YLPM1: variants seen among roughly 807,000 people sequenced by gnomAD.
YLPM1 encodes YLP motif containing 1, also known as YLP motif-containing protein 1.
Under a neutral mutation model 230.0 loss-of-function variants are expected in YLPM1, and 99 were observed. The observed-to-expected ratio is 0.43, with a 90% CI of 0.37 to 0.51. The LOEUF is 0.51. YLPM1 is among the 20% of genes least tolerant of loss of function. The pLI, the probability that YLPM1 is intolerant of heterozygous loss-of-function variation, is 0.00. For missense variants in YLPM1, 2,592 were observed against 2,707.7 expected (o/e 0.96, Z 0.95); for synonymous variants, 984 against 942.5 (o/e 1.04, Z -0.81).
chr14:74,816,647 A>G lies in YLPM1; in HGVS notation c.5642A>G (p.Lys1881Arg), dbSNP rs1276624418. 6.2e-7 allele frequency: 1 copy of G among 1,613,696 alleles called. No homozygotes were observed. Among genetic ancestry groups the G allele is most frequent in the South Asian group, 1.1e-5 (1 of 90,996 alleles). The part of the protein sequence containing the change: ...LDDYFITEVE[K>R]EEKDPDSGKK... ...GATTACTTCATCACTGAAGTGGAAA[A>G]AGAAGAAAAAGATCCAGATTCTGGA... Residue 1881 changes from lysine (K) to arginine (R), a missense_variant, in exon 13 of 21, where the codon AAA (lysine) becomes AGA (arginine). Coordinates refer to ENST00000325680, the MANE Select transcript of YLPM1 (RefSeq NM_019589.3).
At chr14:74,808,367 T>C (rs894623719) in intron 6 of YLPM1, among the ~76,000 whole-genome samples, 1 of 152,248 alleles carries the variant, frequency 6.6e-6, no homozygotes, top group Non-Finnish European at 1.5e-5. Flanking sequence ...TACCACATTT[T>C]GTTTAACCAT....
At chr14:74,817,146 A>T in intron 14 of YLPM1, 39 bp downstream of exon 14, 1 of 1,596,692 alleles carries the variant, frequency 6.3e-7, no homozygotes, top group East Asian at 2.2e-5. Flanking sequence ...TTGTGTTGTC[A>T]TGTAAATGTT....
chr14:74,811,972 A>G (rs1050458883), intron 10 of YLPM1, among the ~76,000 whole-genome samples: 6 of 152,230 alleles, frequency 3.9e-5, no homozygotes, highest in Admixed American at 6.5e-5. Context: ...TACTACAGCT[A>G]TTATAATTTT....
chr14:74,808,479 C>A (rs2140122895), intron 6 of YLPM1, among the ~76,000 whole-genome samples: 1 of 152,068 alleles, frequency 6.6e-6, no homozygotes, highest in Non-Finnish European at 1.5e-5. Flanking sequence ...TGGATAGATA[C>A]CGAGAAATGA....
At chr14:74,824,941 A>G (rs1174583100) in intron 18 of YLPM1, among the ~76,000 whole-genome samples, 2 of 152,128 alleles carry the variant, frequency 1.3e-5, no homozygotes, top group African/African-American at 4.8e-5. Context: ...ATACATATCC[A>G]ATGGATTCCC....
intron 1 of YLPM1, among the ~76,000 whole-genome samples, chr14:74,776,481 C>T (rs762139076): frequency 2.0e-5 from 3 of 152,190 alleles, no homozygotes; most frequent in East Asian, 1.9e-4. Flanking sequence ...GACATAAGAC[C>T]GCTTTCTTGC....
intron 1 of YLPM1, among the ~76,000 whole-genome samples, chr14:74,766,505 C>A (rs142474533): frequency 6.6e-6 from 1 of 152,084 alleles, no homozygotes; most frequent in East Asian, 1.9e-4. Flanking sequence ...TATATTGAGA[C>A]AGGGTCTTGC....
In YLPM1 at chr14:74,829,233, A is replaced by G; in HGVS notation, c.6184A>G (p.Thr2062Ala). 1.9e-6 allele frequency: 3 copies of G among 1,613,164 alleles called. No individual in the cohort carries two copies. Among genetic ancestry groups the G allele is most frequent in the Admixed American group, 1.7e-5 (1 of 59,962 alleles). The part of the protein sequence containing the change: ...AKLDKLDGLR[T>A]GTKRKRDWEA... ...CTCAGACAAGTTGGATGGCTTGAGG[A>G]CTGGTACTAAAAGGAAACGTGACTG... is the stretch of plus-strand genomic sequence containing the variant. Residue 2062 changes from threonine (T) to alanine (A), a missense_variant, in exon 19 of 21, where the codon ACT becomes GCT. Thr to Ala is a moderately conservative substitution (Grantham distance 58). Transcript: ENST00000325680.
At chr14:74,811,525 A>G (rs75071613) in intron 9 of YLPM1, 95 bp from the exon 10 acceptor site, 8,204 of 818,092 alleles carry the variant, frequency 0.01, 101 homozygotes, top group Middle Eastern at 0.03. Flanking sequence ...GTACCTTCCT[A>G]TAGAGAAAAT....
intron 4 of YLPM1, among the ~76,000 whole-genome samples, chr14:74,791,995 A>G (rs976762091): frequency 6.6e-6 from 1 of 152,232 alleles, no homozygotes; most frequent in Admixed American, 6.5e-5. Context: ...GTGAACAAAT[A>G]ATTGCTACAT....
intron 18 of YLPM1, among the ~76,000 whole-genome samples, chr14:74,825,092 A>G (rs1052329962): frequency 3.3e-5 from 5 of 152,154 alleles, no homozygotes; most frequent in South Asian, 2.1e-4. Flanking sequence ...AGCCTTACTG[A>G]TGTATGAAGT....
intron 9 of YLPM1, among the ~76,000 whole-genome samples, chr14:74,810,846 G>T (rs2091427340): frequency 6.6e-6 from 1 of 152,058 alleles, no homozygotes; most frequent in Non-Finnish European, 1.5e-5. Flanking sequence ...TGGAGACGGG[G>T]TCTCTCTCAG....
At position 74,774,427 on chromosome 14, in the gene YLPM1, A is replaced by G. The variant is rs148404614; in HGVS notation, c.874-4020A>G. Among the ~76,000 whole-genome samples, 594 of 150,196 alleles carry G rather than the reference A, an allele frequency of 4.0e-3. 3 individuals carry two copies. Among genetic ancestry groups the G allele is most frequent in the African/African-American group, 0.014 (561 of 40,494 alleles). ...TTTTTTGTATTTTTTTTGTTTTGAG[A>G]CGGAGTCTCGCTCTGTCGCCCAGGC... is the stretch of plus-strand genomic sequence containing the variant. On this transcript the variant is annotated intron_variant, in intron 1 of 20. Transcript: ENST00000325680.
In YLPM1 at chr14:74,799,020, C is replaced by T; in HGVS notation, c.3723C>T (p.Leu1241=). 6.2e-7 allele frequency: 1 copy of T among 1,613,910 alleles called. No individual in the cohort carries two copies. The highest frequency in any genetic ancestry group is 8.5e-7 in the Non-Finnish European group (1 of 1,179,872). The change falls in exon 5 of 21, where the codon CTC becomes CTT. Residue 1241 remains leucine, a synonymous_variant. Transcript: ENST00000325680. ...ACTATCAAGATGATACACTAGAGCT[C>T]TATAACAGAGAGGACAGGTTCTCAG... The part of the protein sequence containing the change: ...ERDYQDDTLE[L]YNREDRFSAP...
In YLPM1 at chr14:74,809,763, A is replaced by T. The variant is rs770758986; in HGVS notation, c.4905A>T (p.Pro1635=). 1 of 1,614,002 alleles carries T rather than the reference A, an allele frequency of 6.2e-7. No homozygotes were observed. The highest frequency in any genetic ancestry group is 1.1e-5 in the South Asian group (1 of 91,084). The change falls in exon 7 of 21, where the codon CCA becomes CCT. Residue 1635 remains proline, a synonymous_variant. Coordinates refer to ENST00000325680, the MANE Select transcript of YLPM1 (RefSeq NM_019589.3). ...MGMPPMSKPP[P]VQQTVDYGHG... ...TGCCACCAATGTCCAAGCCACCACC[A>T]GTACAACAGACTGTTGATTATGGCC...
rs763988234 is a variant in YLPM1, at chr14:74,824,357, G to A, written c.6163+50G>A. On this transcript the variant is annotated intron_variant, in intron 18 of 20. Transcript: ENST00000325680. ...TTATATGTGATACCTGATGGTAATG[G>A]TCATAGATCTTTCTGCTATAAGAGG... The A allele has an allele frequency of 3.8e-6, 6 of 1,571,644 alleles. No individual in the cohort carries two copies. The African/African-American group carries it at 5.4e-5, about 14-fold the overall frequency.
intron 4 of YLPM1, among the ~76,000 whole-genome samples, chr14:74,788,117 C>CTTTTTTT (rs55982413): frequency 6.7e-6 from 1 of 148,838 alleles, no homozygotes; most frequent in Non-Finnish European, 1.5e-5. Flanking sequence ...GTCACATACC[C>CTTTTTTT]TTTTTTTTTT....
At chr14:74,821,942 A>G (rs1219943346) in intron 17 of YLPM1, 1 of 152,202 alleles carries the variant, frequency 6.6e-6, no homozygotes. Flanking sequence ...AATGTACAAA[A>G]TGAGAACTCT....
intron 18 of YLPM1, 55 bp downstream of exon 18, chr14:74,824,362 A>C (rs2091546429): frequency 1.3e-6 from 2 of 1,562,150 alleles, no homozygotes; most frequent in Admixed American, 3.5e-5. Context: ...TAATGGTCAT[A>C]GATCTTTCTG....
Sources: allele counts gnomAD v4.1 joint callset (sites outside exome capture counted in the v4.1 genomes callset), GRCh38; gene constraint gnomAD v4.1.1; transcripts MANE v1.5; gene names NCBI Gene and HGNC (gene_info 2026-07-23, HGNC 2026-07-21).